ANKS1B: variants seen among roughly 807,000 people sequenced by gnomAD.
ANKS1B encodes ankyrin repeat and sterile alpha motif domain containing 1B.
Under a neutral mutation model 148.3 loss-of-function variants are expected in ANKS1B, and 36 were observed. That is an observed-to-expected ratio of 0.24 (90% CI 0.19 to 0.32). The LOEUF (loss-of-function observed/expected upper bound fraction) is 0.32, where lower values mean the gene tolerates loss of function less well. Ranked by LOEUF, ANKS1B falls within the 10% of genes least tolerant of loss-of-function variation. The pLI is 1.00. For missense variants in ANKS1B, 1,157 were observed against 1,542.6 expected (o/e 0.75, Z 4.19); for synonymous variants, 542 against 560.8 (o/e 0.97, Z 0.47).
chr12:99,559,781 G>T (rs1026725918), intron 9 of ANKS1B, among the ~76,000 whole-genome samples: 2 of 152,110 alleles, frequency 1.3e-5, no homozygotes, highest in Non-Finnish European at 2.9e-5. Context: ...GAAACAAAGA[G>T]AAAAATCTCT....
chr12:98,886,605 A>G (rs956937626), intron 17 of ANKS1B, among the ~76,000 whole-genome samples: 8 of 152,248 alleles, frequency 5.3e-5, no homozygotes, highest in Non-Finnish European at 7.3e-5. Context: ...TCTAAATAAC[A>G]CATCATATTG....
intron 1 of ANKS1B, among the ~76,000 whole-genome samples, chr12:99,924,088 G>A (rs2094430539): frequency 6.6e-6 from 1 of 152,110 alleles, no homozygotes; most frequent in South Asian, 2.1e-4. Context: ...TCAAAGACCT[G>A]ATACTCAGTG....
intron 9 of ANKS1B, among the ~76,000 whole-genome samples, chr12:99,533,804 C>G (rs1331394709): frequency 6.6e-6 from 1 of 152,042 alleles, no homozygotes; most frequent in Non-Finnish European, 1.5e-5. Flanking sequence ...CACAGAAATC[C>G]ATACAATTCC....
rs192225596 is a variant in ANKS1B, at chr12:99,477,518, C to T, written c.1438+26958G>A. On this transcript the variant is annotated intron_variant, in intron 10 of 26. Coordinates refer to ENST00000683438, the MANE Select transcript of ANKS1B (RefSeq NM_001352186.2). The stretch of plus-strand genomic sequence containing the variant: ...GTTTAAATCATGGCTCCATACTTAA[C>T]TAGCAATGCCACCTTGAGTAAGTTA... Among the ~76,000 whole-genome samples, 100 of 152,244 alleles carry T rather than the reference C, an allele frequency of 6.6e-4. 1 individual carries two copies. The highest frequency in any genetic ancestry group is 6.5e-3 in the Admixed American group (99 of 15,282).
intron 17 of ANKS1B, among the ~76,000 whole-genome samples, chr12:98,982,091 C>T (rs1359453384): frequency 1.3e-5 from 2 of 152,168 alleles, no homozygotes; most frequent in African/African-American, 2.4e-5. Context: ...GATCTAGTCA[C>T]TGATATAAGT....
chr12:99,380,066 G>A (rs73151143), intron 12 of ANKS1B, among the ~76,000 whole-genome samples: 18,915 of 152,150 alleles, frequency 0.12, 1,251 homozygotes, highest in African/African-American at 0.17. Flanking sequence ...TGTTCTCATC[G>A]GCATTGATAT....
At position 99,407,171 on chromosome 12, in the gene ANKS1B, C is replaced by T. The variant is rs1469366710; in HGVS notation, c.1576-7360G>A. On this transcript the variant is annotated intron_variant, in intron 11 of 26. Coordinates refer to ENST00000683438, the MANE Select transcript of ANKS1B (RefSeq NM_001352186.2). ...CAAATTCAACACCACATTAAAAAGGCCATTCATTATGATGAAGGGGAATTT... is the reference window on the plus strand; with the variant it reads ...CAAATTCAACACCACATTAAAAAGGTCATTCATTATGATGAAGGGGAATTT... Among the ~76,000 whole-genome samples the T allele has an allele frequency of 2.1e-5, 3 of 145,344 alleles. 1 individual carries two copies. Among genetic ancestry groups the T allele is most frequent in the African/African-American group, 7.8e-5 (3 of 38,288 alleles).
intron 15 of ANKS1B, among the ~76,000 whole-genome samples, chr12:99,110,992 A>G (rs893531214): frequency 2.6e-5 from 4 of 152,202 alleles, no homozygotes; most frequent in Non-Finnish European, 5.9e-5. Context: ...TACACAAACC[A>G]CTATCCATCA....
chr12:99,669,606 A>C (rs2098526822), intron 8 of ANKS1B, among the ~76,000 whole-genome samples: 1 of 152,120 alleles, frequency 6.6e-6, no homozygotes, highest in Non-Finnish European at 1.5e-5. Context: ...TGTGAGCTCC[A>C]GGGATTTTTC....
chr12:99,766,048 G>A (rs998411323), intron 8 of ANKS1B, among the ~76,000 whole-genome samples: 1 of 152,010 alleles, frequency 6.6e-6, no homozygotes, highest in Admixed American at 6.6e-5. Flanking sequence ...ATGATTGCTG[G>A]GAAAAACCTC....
Position 99,313,920 on chromosome 12 carries a change from C to T in ANKS1B, c.1757-67056G>A, listed in dbSNP as rs2083583578. Reference sequence around the variant, plus strand: ...ATAGTATTGGAAGTTCTGGCTAGGGCAATCAGGCAAGAGAAAGAAACAAAG... The same window carrying T: ...ATAGTATTGGAAGTTCTGGCTAGGGTAATCAGGCAAGAGAAAGAAACAAAG... On this transcript the variant is annotated intron_variant, in intron 12 of 26. Transcript: ENST00000683438. Among the ~76,000 whole-genome samples the T allele has an allele frequency of 2.0e-5, 3 of 152,026 alleles. No homozygotes were observed. The South Asian group carries it at 6.2e-4, about 32-fold the overall frequency.
At chr12:99,909,112 T>C (rs996456611) in intron 1 of ANKS1B, among the ~76,000 whole-genome samples, 1 of 152,126 alleles carries the variant, frequency 6.6e-6, no homozygotes, top group Non-Finnish European at 1.5e-5. Flanking sequence ...ATGCAGTGTT[T>C]TTCTTTCTGT....
chr12:98,796,046 C>T (rs914560621), intron 22 of ANKS1B, among the ~76,000 whole-genome samples: 2 of 152,124 alleles, frequency 1.3e-5, no homozygotes, highest in Non-Finnish European at 2.9e-5. Context: ...CTATTATGAT[C>T]CCTTAGGCTG....
chr12:99,078,161 T>C (rs1457427884), intron 16 of ANKS1B, among the ~76,000 whole-genome samples: 1 of 152,224 alleles, frequency 6.6e-6, no homozygotes, highest in African/African-American at 2.4e-5. Context: ...CAACTGTTGC[T>C]TTGATCTATT....
At chr12:99,875,472 G>A (rs2091963977) in intron 1 of ANKS1B, among the ~76,000 whole-genome samples, 3 of 152,006 alleles carry the variant, frequency 2.0e-5, no homozygotes, top group South Asian at 4.1e-4. Context: ...CACAGCTCTT[G>A]TACACTAAGT....
intron 12 of ANKS1B, among the ~76,000 whole-genome samples, chr12:99,339,166 C>T (rs1485154164): frequency 6.6e-6 from 1 of 152,132 alleles, no homozygotes; most frequent in Non-Finnish European, 1.5e-5. Flanking sequence ...GGCACTTTAG[C>T]CCACAGTGGT....
intron 17 of ANKS1B, among the ~76,000 whole-genome samples, chr12:99,047,184 G>C (rs774207227): frequency 1.3e-5 from 2 of 152,138 alleles, no homozygotes; most frequent in Non-Finnish European, 2.9e-5. Flanking sequence ...TGGATCACTT[G>C]AGGTCAGGAG....
At chr12:99,366,693 A>T (rs1327855481) in intron 12 of ANKS1B, among the ~76,000 whole-genome samples, 1 of 152,210 alleles carries the variant, frequency 6.6e-6, no homozygotes, top group Non-Finnish European at 1.5e-5. Context: ...CATTATCTCA[A>T]GATTAATTTT....
At chr12:99,846,961 C>T (rs1464458519) in intron 1 of ANKS1B, among the ~76,000 whole-genome samples, 1 of 152,080 alleles carries the variant, frequency 6.6e-6, no homozygotes, top group African/African-American at 2.4e-5. Flanking sequence ...TCCCAAAGTT[C>T]ACAGAAAGAA....
Sources: gnomAD v4.1 joint callset for allele counts (sites outside exome capture counted in the v4.1 genomes callset) on GRCh38, gnomAD v4.1.1 for gene constraint, MANE v1.5 for transcripts, NCBI Gene and HGNC (gene_info 2026-07-23, HGNC 2026-07-21) for gene names.